Variants in MIB1 observed in about 807,000 individuals in gnomAD.
MIB1 encodes the protein MIB E3 ubiquitin protein ligase 1.
Under a neutral mutation model 124.5 loss-of-function variants are expected in MIB1, and 278 were observed. The observed-to-expected ratio is 2.23, with a 90% CI of 2.02 to 2.47. The LOEUF is 2.47. MIB1 is among the 30% of genes most tolerant of loss of function. The probability of loss-of-function intolerance (pLI) is 0.00; values close to 1 mark genes in which losing one functional copy is unlikely to be tolerated. For synonymous variants in MIB1, 446 were observed against 429.4 expected (o/e 1.04, Z -0.48); for missense variants, 957 against 1,254.4 (o/e 0.76, Z 3.58).
chr18:21,759,637 G>T (rs1291066438), intron 1 of MIB1, among the ~76,000 whole-genome samples: 1 of 152,064 alleles, frequency 6.6e-6, no homozygotes, highest in Non-Finnish European at 1.5e-5. Flanking sequence ...GTATTCCATT[G>T]TATCCCTAAT....
intron 6 of MIB1, among the ~76,000 whole-genome samples, chr18:21,780,366 A>G (rs2146427314): frequency 6.6e-6 from 1 of 152,218 alleles, no homozygotes; most frequent in Admixed American, 6.5e-5. Flanking sequence ...GTACGCATTT[A>G]CCATCTCACT....
chr18:21,733,355 A>C (rs921151029), intron 1 of MIB1, among the ~76,000 whole-genome samples: 53 of 152,284 alleles, frequency 3.5e-4, no homozygotes, highest in African/African-American at 1.3e-3. Context: ...CCTAGGCTCA[A>C]GTGATCATCT....
chr18:21,767,804 C>T (rs1381517491), intron 2 of MIB1, among the ~76,000 whole-genome samples: 2 of 152,128 alleles, frequency 1.3e-5, no homozygotes, highest in East Asian at 3.9e-4. Context: ...GCCTTGGCCT[C>T]CCAAAGTGCT....
intron 6 of MIB1, 117 bp from the exon 7 acceptor site, chr18:21,791,257 A>G: frequency 1.4e-6 from 1 of 698,510 alleles, no homozygotes; most frequent in Non-Finnish European, 2.3e-6. Context: ...ATAAACACAA[A>G]TCATTCAGGA....
chr18:21,707,716 G>A (rs1431612668), intron 1 of MIB1, among the ~76,000 whole-genome samples: 1 of 152,188 alleles, frequency 6.6e-6, no homozygotes, highest in Admixed American at 6.6e-5. Flanking sequence ...CTTGAAGTCA[G>A]TGAGACCAAG....
intron 1 of MIB1, chr18:21,712,079 C>T (rs2040668297): frequency 1.1e-5 from 2 of 183,560 alleles, no homozygotes; most frequent in South Asian, 1.2e-4. Flanking sequence ...AGATATGGTC[C>T]TAGTTTCTGC....
chr18:21,854,899 G>T, intron 18 of MIB1: 1 of 200,176 alleles, frequency 5.0e-6, no homozygotes, highest in South Asian at 1.1e-4. Context: ...TGATATAAAG[G>T]TAAACAATAC....
At chr18:21,795,888 G>A (rs2041573231) in intron 7 of MIB1, among the ~76,000 whole-genome samples, 1 of 152,124 alleles carries the variant, frequency 6.6e-6, no homozygotes, top group African/African-American at 2.4e-5. Flanking sequence ...AAACAAATGA[G>A]TACTTGTGTG....
intron 1 of MIB1, among the ~76,000 whole-genome samples, chr18:21,754,638 T>C (rs1195603571): frequency 6.6e-6 from 1 of 152,156 alleles, no homozygotes; most frequent in East Asian, 1.9e-4. Flanking sequence ...AGGTGAAAGT[T>C]CTCAGGGAAA....
chr18:21,857,212 G>T lies in MIB1; in HGVS notation c.2748G>T (p.Gly916=). The part of the protein sequence containing the change: ...RRVPFIMCCG[G]KSSEDATDDI... ...TGCCTTTCATTATGTGCTGTGGAGGGAAAAGTTCAGAAGATGCCACTGATG... is the reference window on the plus strand; with the variant it reads ...TGCCTTTCATTATGTGCTGTGGAGGTAAAAGTTCAGAAGATGCCACTGATG... Residue 916 remains glycine (G), a synonymous_variant, in exon 19 of 21, where the codon GGG becomes GGT. Coordinates refer to ENST00000261537, the MANE Select transcript of MIB1 (RefSeq NM_020774.4). 2.5e-6 allele frequency: 4 copies of T among 1,613,828 alleles called. No homozygotes were observed. Among genetic ancestry groups the T allele is most frequent in the Non-Finnish European group, 3.4e-6 (4 of 1,179,742 alleles).
intron 10 of MIB1, among the ~76,000 whole-genome samples, chr18:21,810,138 A>G (rs1248088986): frequency 1.3e-5 from 2 of 152,086 alleles, no homozygotes; most frequent in African/African-American, 4.8e-5. Flanking sequence ...TGAGAAAACA[A>G]CTCCATTTAC....
intron 12 of MIB1, chr18:21,827,722 A>G (rs902460491): frequency 1.3e-5 from 2 of 152,076 alleles, no homozygotes; most frequent in South Asian, 2.1e-4. Context: ...TCCAGTAAAC[A>G]TGCAGTAACA....
intron 17 of MIB1, among the ~76,000 whole-genome samples, chr18:21,851,567 A>G (rs2042180400): frequency 6.6e-6 from 1 of 152,208 alleles, no homozygotes; most frequent in African/African-American, 2.4e-5. Context: ...TTGAAGAAAA[A>G]CAAATTACAG....
intron 6 of MIB1, among the ~76,000 whole-genome samples, chr18:21,786,921 G>T (rs554645373): frequency 6.6e-6 from 1 of 151,656 alleles, no homozygotes; most frequent in Non-Finnish European, 1.5e-5. Context: ...CTTACATATT[G>T]CTGCCTTATT....
Position 21,870,739 on chromosome 18 carries a change from T to C in MIB1, c.*6073T>C, listed in dbSNP as rs181726687. 2.3e-4 allele frequency: 35 copies of C among 152,200 alleles called. No homozygotes were observed. The highest frequency in any genetic ancestry group is 8.2e-4 in the African/African-American group (34 of 41,452). The allele number at this position is 152,200 out of a possible 1,614,324, so 9.4% of individuals were successfully genotyped here. ...TAGCTCCAGTTCAAAAGATTATGTA[T>C]ATCTGATGTTTAAGAGGAAAAACAT... On this transcript the variant is annotated 3_prime_UTR_variant, in exon 21 of 21. Coordinates refer to ENST00000261537, the MANE Select transcript of MIB1 (RefSeq NM_020774.4).
chr18:21,815,685 CA>C lies in MIB1; in HGVS notation c.1550del (p.His517LeufsTer7). On this transcript the variant is annotated frameshift_variant, in exon 11 of 21. Coordinates refer to ENST00000261537, the MANE Select transcript of MIB1 (RefSeq NM_020774.4). LOFTEE classifies it high-confidence loss of function. ...TGAAGGCGCTGTTATAGAAGTACTA[CA>C]TCGAGGTAGTGCTGATTTGAATGCT... The part of the protein sequence containing the change: ...GDEGAVIEVL[H>X]RGSADLNARN... 1 of 1,614,150 alleles carries C rather than the reference CA, an allele frequency of 6.2e-7. No homozygotes were observed. The highest frequency in any genetic ancestry group is 8.5e-7 in the Non-Finnish European group (1 of 1,179,998).
intron 16 of MIB1, among the ~76,000 whole-genome samples, chr18:21,848,750 A>G (rs1006584263): frequency 2.0e-5 from 3 of 152,126 alleles, no homozygotes; most frequent in Admixed American, 1.3e-4. Flanking sequence ...AAATTTTCCA[A>G]AGTGCCCTAT....
intron 19 of MIB1, among the ~76,000 whole-genome samples, chr18:21,858,111 T>C (rs983953546): frequency 6.6e-6 from 1 of 152,214 alleles, no homozygotes; most frequent in Admixed American, 6.5e-5. Context: ...GCTAGATTTG[T>C]GTACGTCCTC....
At chr18:21,752,738 CA>C (rs931165264) in intron 1 of MIB1, among the ~76,000 whole-genome samples, 2 of 152,156 alleles carry the variant, frequency 1.3e-5, no homozygotes, top group East Asian at 3.9e-4. Flanking sequence ...AATTAAAAAA[CA>C]AAAAACAACA....
Sources: gnomAD v4.1 joint callset for allele counts (sites outside exome capture counted in the v4.1 genomes callset) on GRCh38, gnomAD v4.1.1 for gene constraint, MANE v1.5 for transcripts, NCBI Gene and HGNC (gene_info 2026-07-23, HGNC 2026-07-21) for gene names.